Variants in MXI1 observed in about 807,000 individuals in gnomAD.
MXI1 encodes max-interacting protein 1.
MXI1 carries 18 observed loss-of-function variants against 36.9 expected under a neutral mutation model. The ratio of observed to expected loss-of-function variants is 0.49; its 90% confidence interval spans 0.34 to 0.72. The LOEUF is 0.72. MXI1 is among the 30% of genes least tolerant of loss of function. The probability of loss-of-function intolerance (pLI) is 0.01; values close to 1 mark genes in which losing one functional copy is unlikely to be tolerated. For missense variants in MXI1, 304 were observed against 379.1 expected, an observed-to-expected ratio of 0.80 and a Z score of 1.64; for synonymous variants, 160 against 146.7, an observed-to-expected ratio of 1.09 and a Z score of -0.65.
At position 110,228,286 on chromosome 10, in the gene MXI1, C is replaced by A. The variant is rs763100225; in HGVS notation, c.372C>A (p.His124Gln). ...PPRRLSRAQK[H>Q]SSGSSNTSTA... ...GGAGGTTGAGCCGGGCACAGAAACA[C>A]AGCAGCGGGAGCAGCAACACCAGCA... The change falls in exon 2 of 6, where the codon CAC becomes CAA. Residue 124 changes from histidine (H) to glutamine (Q), a missense_variant. By Grantham distance (24) the His-to-Gln change is conservative (BLOSUM62 0). Around this residue, in one of 2 missense-constraint regions of MXI1, gnomAD observed 179 missense variants for 184.8 expected, o/e 0.97. Coordinates refer to ENST00000332674, the MANE Select transcript of MXI1 (RefSeq NM_130439.3). 6.2e-7 allele frequency: 1 copy of A among 1,614,170 alleles called. No individual in the cohort carries two copies. The highest frequency in any genetic ancestry group is 8.5e-7 in the Non-Finnish European group (1 of 1,180,020).
In MXI1 at chr10:110,287,100, A is replaced by C. The variant is rs1401307933; in HGVS notation, c.*2113A>C. 2 of 152,168 alleles carry C rather than the reference A, an allele frequency of 1.3e-5. No individual in the cohort carries two copies. Among genetic ancestry groups the C allele is most frequent in the African/African-American group, 4.8e-5 (2 of 41,438 alleles). 9.4% of individuals were successfully genotyped at this position (152,168 alleles called of 1,614,324 possible). Reference sequence around the variant, plus strand: ...AGCTTCTGTTTGTTTTGTTATTCTCATGGCCTTCGCTTGCATTATTTGGGC... The same window carrying C: ...AGCTTCTGTTTGTTTTGTTATTCTCCTGGCCTTCGCTTGCATTATTTGGGC... On this transcript the variant is annotated 3_prime_UTR_variant, in exon 6 of 6. Transcript: ENST00000332674.
intron 2 of MXI1, among the ~76,000 whole-genome samples, chr10:110,235,923 C>G (rs1590353299): frequency 6.6e-6 from 1 of 151,886 alleles, no homozygotes; most frequent in African/African-American, 2.4e-5. Context: ...AGGAGAATCA[C>G]TTGAACCCGG....
intron 3 of MXI1, among the ~76,000 whole-genome samples, chr10:110,247,895 C>T (rs767867276): frequency 5.3e-5 from 8 of 152,240 alleles, no homozygotes; most frequent in African/African-American, 1.2e-4. Context: ...CACATGCACA[C>T]GTATGTTTAT....
At chr10:110,251,093 C>A (rs1017913209) in intron 3 of MXI1, among the ~76,000 whole-genome samples, 1 of 148,594 alleles carries the variant, frequency 6.7e-6, no homozygotes, top group Non-Finnish European at 1.5e-5. Flanking sequence ...CTTTCACCTA[C>A]CTCTGAGGGA....
chr10:110,281,653 T>C (rs1379423954), intron 5 of MXI1, among the ~76,000 whole-genome samples: 1 of 152,218 alleles, frequency 6.6e-6, no homozygotes, highest in African/African-American at 2.4e-5. Context: ...TACATATTTT[T>C]TTAAACATCA....
At chr10:110,277,959 G>A (rs998277749) in intron 3 of MXI1, among the ~76,000 whole-genome samples, 1 of 152,222 alleles carries the variant, frequency 6.6e-6, no homozygotes, top group Non-Finnish European at 1.5e-5. Flanking sequence ...AGTTTGGTGT[G>A]TGAATTAGCA....
chr10:110,210,742 G>A (rs1854490756), intron 1 of MXI1, among the ~76,000 whole-genome samples: 1 of 152,260 alleles, frequency 6.6e-6, no homozygotes. Context: ...CGCGCTGGCG[G>A]CGCTCGTCGT....
At chr10:110,259,930 C>T (rs10509911) in intron 3 of MXI1, among the ~76,000 whole-genome samples, 10,578 of 152,060 alleles carry the variant, frequency 0.07, 1,154 homozygotes, top group African/African-American at 0.24. Context: ...TTAATCAGCA[C>T]TATGACAAAC....
chr10:110,276,738 C>T (rs1857044818), intron 3 of MXI1, among the ~76,000 whole-genome samples: 3 of 151,674 alleles, frequency 2.0e-5, no homozygotes, highest in African/African-American at 7.3e-5. Context: ...TATTTTCATT[C>T]TAGGTTTTAG....
intron 3 of MXI1, among the ~76,000 whole-genome samples, chr10:110,274,872 ATTTTTTT>A (rs66570053): frequency 4.5e-5 from 5 of 110,002 alleles, no homozygotes; most frequent in Admixed American, 3.0e-4. Context: ...GTGAATAAGG[ATTTTTTT>A]TTTTTTTTTT....
chr10:110,283,466 A>G (rs904489846), intron 5 of MXI1, among the ~76,000 whole-genome samples: 1 of 151,952 alleles, frequency 6.6e-6, no homozygotes, highest in South Asian at 2.1e-4. Context: ...GGGTTTCACC[A>G]TATTGGTCAG....
intron 1 of MXI1, among the ~76,000 whole-genome samples, chr10:110,209,984 G>A (rs1854468326): frequency 6.9e-6 from 1 of 145,336 alleles, no homozygotes; most frequent in Non-Finnish European, 1.5e-5. Context: ...ATTCCTCAGC[G>A]TCCCGCCCCC....
Position 110,284,828 on chromosome 10 carries a change from G to T in MXI1, c.729G>T (p.Glu243Asp). 1 of 1,601,176 alleles carries T rather than the reference G, an allele frequency of 6.2e-7. No homozygotes were observed. ...SSDRSDSERE[E>D]IEVDVESTEF... ...TTTTTTTTTTTCCTTTGGCAGAGGA[G>T]ATTGAAGTGGATGTTGAAAGCACAG... The change falls in exon 6 of 6, where the codon GAG (glutamate) becomes GAT (aspartate). Residue 243 changes from glutamate (E) to aspartate (D), a missense_variant. Physicochemically the swap from Glu to Asp is conservative, Grantham distance 45. Transcript: ENST00000332674.
In MXI1 at chr10:110,284,810, T is replaced by TTC; in HGVS notation, c.725-13_725-12insCT. The TTC allele has an allele frequency of 6.3e-7, 1 of 1,583,348 alleles. No individual in the cohort carries two copies. The highest frequency in any genetic ancestry group is 8.5e-7 in the Non-Finnish European group (1 of 1,170,034). Reference sequence around the variant, plus strand: ...GATAATTAATGTTCTTCTTTTTTTTTTTTCCTTTGGCAGAGGAGATTGAAG... The same window carrying TTC: ...GATAATTAATGTTCTTCTTTTTTTTTTCTTTCCTTTGGCAGAGGAGATTGAAG... On this transcript the variant is annotated splice_polypyrimidine_tract_variant and intron_variant, in intron 5 of 5. Transcript: ENST00000332674.
chr10:110,286,774 GA>G lies in MXI1; in HGVS notation c.*1789del, dbSNP rs1857434414. 6.6e-6 allele frequency: 1 copy of G among 152,196 alleles called. No homozygotes were observed. The highest frequency in any genetic ancestry group is 2.4e-5 in the African/African-American group (1 of 41,442). The allele number at this position is 152,196 out of a possible 1,614,324, so 9.4% of individuals were successfully genotyped here. A position where few individuals can be genotyped will look rare whatever the true frequency, so the allele number is the denominator to read the frequency against. Reference sequence around the variant, plus strand: ...TTGTGCTCTTCCTTTGCCTCCAGAAGAAGTTTTTCCTTGATTGTGCTATGTT... The same window carrying G: ...TTGTGCTCTTCCTTTGCCTCCAGAAGAGTTTTTCCTTGATTGTGCTATGTT... On this transcript the variant is annotated 3_prime_UTR_variant, in exon 6 of 6. Transcript: ENST00000332674.
chr10:110,279,075 C>T, intron 3 of MXI1, 105 bp from the exon 4 acceptor site: 1 of 826,660 alleles, frequency 1.2e-6, no homozygotes, highest in South Asian at 1.7e-5. Flanking sequence ...GACATCTATC[C>T]TATAGGCTGA....
chr10:110,210,133 C>G (rs1854474696), intron 1 of MXI1: 2 of 456,494 alleles, frequency 4.4e-6, no homozygotes, highest in African/African-American at 4.3e-5. Flanking sequence ...AAGCAGAGAG[C>G]CGGGCGCGCC....
intron 3 of MXI1, 24 bp from the exon 4 acceptor site, chr10:110,279,156 G>C (rs1564726872): frequency 6.5e-7 from 1 of 1,548,404 alleles, no homozygotes; most frequent in Non-Finnish European, 8.9e-7. Context: ...AGACTGTGCT[G>C]ATTTGACTTT....
intron 3 of MXI1, among the ~76,000 whole-genome samples, chr10:110,261,452 T>G (rs1856509305): frequency 6.9e-6 from 1 of 144,958 alleles, no homozygotes. Context: ...TTTTAACCCC[T>G]CCAAGAGAGT....
Sources: allele counts gnomAD v4.1 joint callset (sites outside exome capture counted in the v4.1 genomes callset), GRCh38; gene constraint gnomAD v4.1.1; regional missense constraint gnomAD v4.1.1; transcripts MANE v1.5; gene names NCBI Gene and HGNC (gene_info 2026-07-23, HGNC 2026-07-21).